The following WDR41 variants were observed in gnomAD, a reference collection of about 807,000 sequenced individuals.
The protein encoded by WDR41 is WD repeat-containing protein 41.
Under a neutral mutation model 69.3 loss-of-function variants are expected in WDR41, and 63 were observed. The observed-to-expected ratio is 0.91, with a 90% CI of 0.74 to 1.12. The LOEUF is 1.12. Ranked by LOEUF, WDR41 falls within the 50% of genes most tolerant of loss-of-function variation. The pLI is 0.00. For missense variants in WDR41, 543 were observed against 534.5 expected (o/e 1.02, Z -0.16); for synonymous variants, 185 against 192.1 (o/e 0.96, Z 0.31).
At chr5:77,578,199 A>G (rs1743867767) in intron 1 of WDR41, among the ~76,000 whole-genome samples, 2 of 152,236 alleles carry the variant, frequency 1.3e-5, no homozygotes. Flanking sequence ...ATATATTTGC[A>G]GAGCAATACG....
intron 2 of WDR41, among the ~76,000 whole-genome samples, chr5:77,480,487 T>A (rs1581752741): frequency 6.6e-6 from 1 of 152,084 alleles, no homozygotes; most frequent in Non-Finnish European, 1.5e-5. Flanking sequence ...TGGAATACTA[T>A]GCAGCCATAA....
chr5:77,484,573 T>A (rs911357664), intron 2 of WDR41, among the ~76,000 whole-genome samples: 3 of 152,218 alleles, frequency 2.0e-5, no homozygotes, highest in African/African-American at 7.2e-5. Flanking sequence ...GGATTCTGGT[T>A]ATACCCTTTT....
At chr5:77,558,776 C>T (rs1326841794) in intron 1 of WDR41, among the ~76,000 whole-genome samples, 1 of 152,154 alleles carries the variant, frequency 6.6e-6, no homozygotes, top group Non-Finnish European at 1.5e-5. Flanking sequence ...GTCTCTTAAA[C>T]TCAGCAATAA....
intron 1 of WDR41, among the ~76,000 whole-genome samples, chr5:77,537,932 A>G (rs769256585): frequency 3.9e-5 from 6 of 152,112 alleles, no homozygotes; most frequent in Non-Finnish European, 7.4e-5. Context: ...CTAAAAATGT[A>G]TGGGTATTTT....
chr5:77,582,312 T>TGTTAA, intron 1 of WDR41: 15 of 1,450,608 alleles, frequency 1.0e-5, no homozygotes, highest in Non-Finnish European at 1.4e-5. Flanking sequence ...TATGCATAGA[T>TGTTAA]ATATAACAAG....
intron 1 of WDR41, among the ~76,000 whole-genome samples, chr5:77,547,550 A>C (rs1010093924): frequency 4.6e-5 from 7 of 151,986 alleles, no homozygotes; most frequent in African/African-American, 1.7e-4. Context: ...CAAACAAAAA[A>C]TAAACTTAGG....
chr5:77,474,717 G>C (rs1364865535), intron 2 of WDR41, among the ~76,000 whole-genome samples: 2 of 152,124 alleles, frequency 1.3e-5, no homozygotes, highest in African/African-American at 4.8e-5. Context: ...AGTTCCCATG[G>C]TTATTTGCAA....
chr5:77,524,846 A>G (rs952389219), intron 1 of WDR41, among the ~76,000 whole-genome samples: 6 of 152,274 alleles, frequency 3.9e-5, no homozygotes, highest in Admixed American at 1.3e-4. Context: ...GAAGATTCTC[A>G]GAAATCTCAA....
chr5:77,612,345 G>C (rs190340071), intron 1 of WDR41, among the ~76,000 whole-genome samples: 1 of 152,232 alleles, frequency 6.6e-6, no homozygotes, highest in East Asian at 1.9e-4. Flanking sequence ...AACCAAAAAA[G>C]AGAATTTTAG....
chr5:77,446,600 A>T (rs1199365193), intron 8 of WDR41, among the ~76,000 whole-genome samples: 1 of 152,214 alleles, frequency 6.6e-6, no homozygotes, highest in African/African-American at 2.4e-5. Flanking sequence ...GGAGCAGAAT[A>T]GACACCTCAG....
At chr5:77,466,653 C>CTTT (rs1485085614) in intron 2 of WDR41, among the ~76,000 whole-genome samples, 1 of 151,880 alleles carries the variant, frequency 6.6e-6, no homozygotes, top group Non-Finnish European at 1.5e-5. Context: ...TAACCTCAAA[C>CTTT]TTTAATTCAA....
Position 77,433,171 on chromosome 5 carries a change from T to G in WDR41, c.1344A>C (p.Lys448Asn), listed in dbSNP as rs72769029. 2.7e-5 allele frequency: 43 copies of G among 1,613,748 alleles called. No individual in the cohort carries two copies. The highest frequency in any genetic ancestry group is 3.6e-5 in the Non-Finnish European group (43 of 1,179,878). The change falls in exon 13 of 13, where the codon AAA (lysine) becomes AAC (asparagine). Residue 448 changes from lysine to asparagine, a missense_variant. Lys to Asn is a moderately conservative substitution (Grantham distance 94, BLOSUM62 0). Transcript: ENST00000296679. ...SGLRSLRLFQKLEENGDLYLA... is the reference protein window; with the variant it reads ...SGLRSLRLFQNLEENGDLYLA... ...GGTATAAGTCACCATTCTCCTCTAA[T>G]TTTTGAAATAATCTTAAACTGCGCA...
chr5:77,587,964 G>A lies in WDR41; in HGVS notation c.42+32515C>T, dbSNP rs1325598750. Among the ~76,000 whole-genome samples, 3 of 152,112 alleles carry A rather than the reference G, an allele frequency of 2.0e-5. No individual in the cohort carries two copies. The East Asian group carries it at 5.8e-4, about 29-fold the overall frequency. ...TAGGATCTTGAACTTTTGGCCTCTAGAACTGTAAGAACATAAATTTTTATT... is the reference window on the plus strand; with the variant it reads ...TAGGATCTTGAACTTTTGGCCTCTAAAACTGTAAGAACATAAATTTTTATT... On this transcript the variant is annotated intron_variant, in intron 1 of 5. Transcript: ENST00000509971.
chr5:77,480,338 G>A (rs1356888692), intron 2 of WDR41: 2 of 151,972 alleles, frequency 1.3e-5, no homozygotes, highest in African/African-American at 2.4e-5. Context: ...ATACCCAAAG[G>A]ACTATAAATC....
intron 2 of WDR41, among the ~76,000 whole-genome samples, chr5:77,471,657 A>C (rs1331908927): frequency 6.6e-6 from 1 of 152,228 alleles, no homozygotes; most frequent in Non-Finnish European, 1.5e-5. Context: ...ACCTCTATGC[A>C]AATAAACTAG....
chr5:77,483,757 A>C (rs1331238062), intron 2 of WDR41, among the ~76,000 whole-genome samples: 1 of 152,218 alleles, frequency 6.6e-6, no homozygotes, highest in Non-Finnish European at 1.5e-5. Context: ...GACACAGTTT[A>C]TATAAGAAAG....
intron 1 of WDR41, among the ~76,000 whole-genome samples, chr5:77,501,436 T>C (rs1032879249): frequency 2.0e-5 from 3 of 152,232 alleles, no homozygotes; most frequent in African/African-American, 7.2e-5. Flanking sequence ...AGACTCCACC[T>C]CTGCGGGCAG....
At chr5:77,609,370 C>G (rs1744494425) in intron 1 of WDR41, among the ~76,000 whole-genome samples, 1 of 152,128 alleles carries the variant, frequency 6.6e-6, no homozygotes, top group Admixed American at 6.5e-5. Context: ...GGTCCCCGAC[C>G]CCTGACCCCT....
chr5:77,517,113 G>C (rs144094073), intron 1 of WDR41, among the ~76,000 whole-genome samples: 265 of 152,162 alleles, frequency 1.7e-3, no homozygotes, highest in African/African-American at 6.1e-3. Context: ...CCATTGGCCA[G>C]AACTTAGTTA....
Sources: gnomAD v4.1 joint callset for allele counts (sites outside exome capture counted in the v4.1 genomes callset) on GRCh38, gnomAD v4.1.1 for gene constraint, MANE v1.5 for transcripts, NCBI Gene and HGNC (gene_info 2026-07-23, HGNC 2026-07-21) for gene names.